STK24: variants seen among roughly 807,000 people sequenced by gnomAD.
STK24 encodes serine/threonine kinase 24, also known as serine/threonine-protein kinase 24.
Under a neutral mutation model 55.6 loss-of-function variants are expected in STK24, and 21 were observed. The ratio of observed to expected loss-of-function variants is 0.38; its 90% CI spans 0.27 to 0.54. STK24 has a LOEUF of 0.54. Among genes scored for constraint, STK24 ranks in the 20% least tolerant of loss-of-function variants. STK24 has a pLI of 0.79. For missense variants in STK24, 383 were observed against 538.4 expected, an observed-to-expected ratio of 0.71 and a Z score of 2.86; for synonymous variants, 200 against 215.2, an observed-to-expected ratio of 0.93 and a Z score of 0.62.
chr13:98,460,287 T>C, intron 9 of STK24, 85 bp downstream of exon 9: 1 of 1,296,494 alleles, frequency 7.7e-7, no homozygotes, highest in Non-Finnish European at 1.1e-6. Context: ...TCCCCAACTC[T>C]TAACTGGCAA....
intron 2 of STK24, chr13:98,509,023 T>C (rs1366280327): frequency 1.3e-5 from 2 of 152,206 alleles, no homozygotes; most frequent in Non-Finnish European, 2.9e-5. Flanking sequence ...CCAAAACATA[T>C]AGTTTTGGGC....
rs547663242 is a variant in STK24 at position 98,451,387 on chromosome 13, T to A, written c.*1786A>T. 1.1e-4 allele frequency: 17 copies of A among 152,332 alleles called. No homozygotes were observed. The highest frequency in any genetic ancestry group is 4.1e-4 in the African/African-American group (17 of 41,562). The allele number at this position is 152,332 out of a possible 1,614,324, so 9.4% of individuals were successfully genotyped here. Reference sequence around the variant, plus strand: ...TTTATTATTCAACATAACATTCTTGTATGGAGTAATGAGTACAATAAGAAT... The same window carrying A: ...TTTATTATTCAACATAACATTCTTGAATGGAGTAATGAGTACAATAAGAAT... On this transcript the variant is annotated 3_prime_UTR_variant, in exon 11 of 11. Coordinates refer to ENST00000539966, the MANE Select transcript of STK24 (RefSeq NM_001032296.4).
At chr13:98,455,866 T>C (rs1893431957) in intron 10 of STK24, 1 of 152,192 alleles carries the variant, frequency 6.6e-6, no homozygotes, top group African/African-American at 2.4e-5. Context: ...CCGTTTCTGG[T>C]TTTGTTCTAT....
chr13:98,466,346 G>A (rs1397657142), intron 6 of STK24, 30 bp downstream of exon 6: 8 of 1,603,714 alleles, frequency 5.0e-6, no homozygotes, highest in Non-Finnish European at 6.8e-6. Context: ...CGCACATGAA[G>A]AGGTACGCTG....
chr13:98,481,827 C>G (rs1894593310), intron 3 of STK24, among the ~76,000 whole-genome samples: 1 of 152,076 alleles, frequency 6.6e-6, no homozygotes, highest in Non-Finnish European at 1.5e-5. Flanking sequence ...GAGCGGGGAT[C>G]ACTCGAGGTC....
Position 98,557,744 on chromosome 13 carries a change from A to T in STK24, c.42+19001T>A, listed in dbSNP as rs1892504. Among the ~76,000 whole-genome samples the T allele has an allele frequency of 1.8e-3, 274 of 152,326 alleles. 1 individual carries two copies. Among genetic ancestry groups the T allele is most frequent in the Middle Eastern group, 6.8e-3 (2 of 294 alleles). The stretch of plus-strand genomic sequence containing the variant: ...GGTGATAATGACAAGGTAGTCTGGG[A>T]GCACTTATTTTAGGACCTGATATGA... On this transcript the variant is annotated intron_variant, in intron 1 of 10. Transcript: ENST00000539966.
At chr13:98,510,134 G>T (rs964256723) in intron 2 of STK24, among the ~76,000 whole-genome samples, 2 of 152,236 alleles carry the variant, frequency 1.3e-5, no homozygotes, top group Admixed American at 6.5e-5. Flanking sequence ...ACCCCAGGAC[G>T]TGTGGGAGCA....
intron 1 of STK24, among the ~76,000 whole-genome samples, chr13:98,535,499 A>G (rs562256297): frequency 6.6e-6 from 1 of 152,204 alleles, no homozygotes; most frequent in Non-Finnish European, 1.5e-5. Flanking sequence ...TCCTTTATTA[A>G]AATCAAAATG....
chr13:98,561,975 C>T (rs1897433783), intron 1 of STK24, among the ~76,000 whole-genome samples: 1 of 90,582 alleles, frequency 1.1e-5, no homozygotes, highest in Non-Finnish European at 2.0e-5. Context: ...GAGACTCCGT[C>T]TCAAAAAAAA....
chr13:98,512,577 T>G (rs1021755433), intron 2 of STK24, among the ~76,000 whole-genome samples: 12 of 152,150 alleles, frequency 7.9e-5, no homozygotes, highest in African/African-American at 2.2e-4. Flanking sequence ...GTAAGTTTTT[T>G]TTTTTTTTTT....
At chr13:98,547,838 A>AC (rs1897064416) in intron 1 of STK24, among the ~76,000 whole-genome samples, 1 of 152,230 alleles carries the variant, frequency 6.6e-6, no homozygotes, top group Non-Finnish European at 1.5e-5. Flanking sequence ...CCTTTCCTAT[A>AC]CTTCAATATC....
At chr13:98,548,446 G>A (rs539434392) in intron 1 of STK24, among the ~76,000 whole-genome samples, 2 of 152,262 alleles carry the variant, frequency 1.3e-5, no homozygotes, top group African/African-American at 4.8e-5. Context: ...GGCTGAGATA[G>A]GAAAATAAAT....
At chr13:98,517,891 A>C (rs1447231714) in intron 2 of STK24, among the ~76,000 whole-genome samples, 1 of 152,248 alleles carries the variant, frequency 6.6e-6, no homozygotes, top group African/African-American at 2.4e-5. Context: ...AATGCTACCA[A>C]GGAAGGAAAA....
intron 3 of STK24, among the ~76,000 whole-genome samples, chr13:98,476,147 C>G (rs1894363317): frequency 6.6e-6 from 1 of 151,996 alleles, no homozygotes; most frequent in Non-Finnish European, 1.5e-5. Context: ...ACAACTATAT[C>G]AGATGAAAGG....
At chr13:98,572,894 G>A (rs1341096026) in intron 1 of STK24, among the ~76,000 whole-genome samples, 1 of 152,194 alleles carries the variant, frequency 6.6e-6, no homozygotes, top group Non-Finnish European at 1.5e-5. Flanking sequence ...TCAGTGGGCT[G>A]TGAAATCAAT....
At chr13:98,529,929 C>T (rs1184164690) in intron 1 of STK24, among the ~76,000 whole-genome samples, 1 of 152,128 alleles carries the variant, frequency 6.6e-6, no homozygotes, top group Non-Finnish European at 1.5e-5. Context: ...AACCATTAAA[C>T]CTCTTAAAAT....
In STK24 at chr13:98,445,806, C is replaced by CTAT. The variant is rs1217586590; in HGVS notation, c.*7364_*7366dup. On this transcript the variant is annotated 3_prime_UTR_variant, in exon 11 of 11. Transcript: ENST00000539966. The stretch of plus-strand genomic sequence containing the variant: ...CTTCACTAGTTACCCTGCAACGAGC[C>CTAT]TATTTCCAAATAAGCCTGTGTTCTA... The CTAT allele has an allele frequency of 6.9e-6, 2 of 291,960 alleles. No homozygotes were observed. Among genetic ancestry groups the CTAT allele is most frequent in the Non-Finnish European group, 1.3e-5 (2 of 153,660 alleles). 18.1% of individuals were successfully genotyped at this position (291,960 alleles called of 1,614,324 possible).
At chr13:98,481,364 G>A (rs536698068) in intron 3 of STK24, among the ~76,000 whole-genome samples, 6 of 152,306 alleles carry the variant, frequency 3.9e-5, no homozygotes, top group African/African-American at 9.6e-5. Context: ...CATGTGGACT[G>A]GAGGCCACAG....
chr13:98,484,765 T>C (rs1268349353), intron 2 of STK24, among the ~76,000 whole-genome samples: 1 of 151,848 alleles, frequency 6.6e-6, no homozygotes, highest in Non-Finnish European at 1.5e-5. Context: ...TCTGGGGACG[T>C]GCAAGCAACA....
Sources: gnomAD v4.1 joint callset for allele counts (sites outside exome capture counted in the v4.1 genomes callset) on GRCh38, gnomAD v4.1.1 for gene constraint, MANE v1.5 for transcripts, NCBI Gene and HGNC (gene_info 2026-07-23, HGNC 2026-07-21) for gene names.